The following SMAD3 variants were observed in gnomAD, a reference collection of about 807,000 sequenced individuals.
SMAD3 encodes the protein MAD homolog 3.
Under a neutral mutation model 51.8 loss-of-function variants are expected in SMAD3, and 12 were observed. That is an observed-to-expected ratio of 0.23 (90% CI 0.15 to 0.38). The LOEUF (loss-of-function observed/expected upper bound fraction) is 0.38, where lower values mean the gene tolerates loss of function less well. SMAD3 is among the 10% of genes least tolerant of loss of function. The pLI, the probability that SMAD3 is intolerant of heterozygous loss-of-function variation, is 1.00. For synonymous variants in SMAD3, 238 were observed against 227.7 expected (o/e 1.05, Z -0.41); for missense variants, 294 against 565.6 (o/e 0.52, Z 4.87).
chr15:67,131,131 T>C (rs973438947), intron 1 of SMAD3, among the ~76,000 whole-genome samples: 1 of 152,248 alleles, frequency 6.6e-6, no homozygotes, highest in Non-Finnish European at 1.5e-5. Flanking sequence ...TGGGCCAGAA[T>C]GATTTCGGCA....
chr15:67,182,986 T>TAAAAA (rs35277759), intron 6 of SMAD3, among the ~76,000 whole-genome samples: 2 of 48,042 alleles, frequency 4.2e-5, no homozygotes, highest in Non-Finnish European at 6.5e-5. Flanking sequence ...TATATTTTAT[T>TAAAAA]AAAAAAAAAA....
chr15:67,154,458 G>C (rs1334149236), intron 1 of SMAD3, among the ~76,000 whole-genome samples: 2 of 152,152 alleles, frequency 1.3e-5, no homozygotes, highest in African/African-American at 2.4e-5. Context: ...GAACACTCAG[G>C]AAACTCAGCT....
chr15:67,106,607 G>A (rs1303736972), intron 1 of SMAD3, among the ~76,000 whole-genome samples: 1 of 152,072 alleles, frequency 6.6e-6, no homozygotes, highest in Non-Finnish European at 1.5e-5. Flanking sequence ...CATTTCTTTT[G>A]TTCTCTGCTA....
chr15:67,162,115 G>T (rs576959898), intron 1 of SMAD3, among the ~76,000 whole-genome samples: 27 of 152,148 alleles, frequency 1.8e-4, no homozygotes, highest in Admixed American at 5.2e-4. Context: ...ACCTTTGTCT[G>T]TCCTTTCCCC....
At chr15:67,071,309 A>G (rs1960047797) in intron 1 of SMAD3, among the ~76,000 whole-genome samples, 2 of 152,224 alleles carry the variant, frequency 1.3e-5, no homozygotes. Flanking sequence ...ATCCTCTTTT[A>G]CTAAACTGAG....
intron 1 of SMAD3, among the ~76,000 whole-genome samples, chr15:67,087,449 G>A (rs1222742604): frequency 6.6e-6 from 1 of 152,206 alleles, no homozygotes; most frequent in East Asian, 1.9e-4. Context: ...CTAAGATACC[G>A]TGTAATAGGA....
At chr15:67,092,498 G>T (rs973059593) in intron 1 of SMAD3, among the ~76,000 whole-genome samples, 4 of 152,216 alleles carry the variant, frequency 2.6e-5, no homozygotes, top group Non-Finnish European at 5.9e-5. Context: ...CCGCCCCCAG[G>T]CCTCTTGGAT....
intron 1 of SMAD3, among the ~76,000 whole-genome samples, chr15:67,122,081 C>T (rs1286999750): frequency 6.6e-6 from 1 of 152,230 alleles, no homozygotes; most frequent in Non-Finnish European, 1.5e-5. Context: ...GTTTTCATCA[C>T]CACCAAAAAT....
Position 67,117,137 on chromosome 15 carries a change from C to T in SMAD3, c.207-47758C>T, listed in dbSNP as rs774349366. On this transcript the variant is annotated intron_variant, in intron 1 of 8. Coordinates refer to ENST00000327367, the MANE Select transcript of SMAD3 (RefSeq NM_005902.4). ...TGTGGCTCCTTGAGATCTGGGGTCA[C>T]GGCTGGCGTGTTTCGTGGAGTAGCT... 1.4e-4 allele frequency among the ~76,000 whole-genome samples: 22 copies of T among 152,244 alleles called. No homozygotes were observed. The South Asian group carries it at 1.4e-3, about 10-fold the overall frequency.
At chr15:67,138,340 C>A in intron 1 of SMAD3, 1 of 491,090 alleles carries the variant, frequency 2.0e-6, no homozygotes, top group Non-Finnish European at 3.7e-6. Flanking sequence ...CTCCCCTCCC[C>A]TGAACCCCCC....
chr15:67,133,449 TTC>T (rs1300521991), intron 1 of SMAD3, among the ~76,000 whole-genome samples: 1 of 152,184 alleles, frequency 6.6e-6, no homozygotes, highest in East Asian at 1.9e-4. Context: ...TGGGCTGCGT[TTC>T]TGTTTGCCTC....
At chr15:67,113,651 A>T (rs1800178446) in intron 1 of SMAD3, among the ~76,000 whole-genome samples, 1 of 152,222 alleles carries the variant, frequency 6.6e-6, no homozygotes, top group South Asian at 2.1e-4. Context: ...TGGAAATGTG[A>T]CTAATGACAA....
chr15:67,075,296 A>C (rs1498506), intron 1 of SMAD3, among the ~76,000 whole-genome samples: 70,254 of 151,994 alleles, frequency 0.46, 16,552 homozygotes, highest in South Asian at 0.66. Context: ...CCCTTATTGA[A>C]GTCAGACTCA....
chr15:67,104,253 T>G (rs1960827769), intron 1 of SMAD3, among the ~76,000 whole-genome samples: 1 of 152,204 alleles, frequency 6.6e-6, no homozygotes, highest in Non-Finnish European at 1.5e-5. Context: ...TACAAGGTGC[T>G]CACTGAGTGT....
At chr15:67,100,159 C>T (rs2140223299) in intron 1 of SMAD3, among the ~76,000 whole-genome samples, 1 of 116,714 alleles carries the variant, frequency 8.6e-6, no homozygotes, top group South Asian at 2.7e-4. Context: ...CCAGCCTGGG[C>T]AACAAGAGCG....
chr15:67,119,523 A>G (rs1211546611), intron 1 of SMAD3, among the ~76,000 whole-genome samples: 5 of 152,202 alleles, frequency 3.3e-5, no homozygotes, highest in African/African-American at 1.2e-4. Context: ...TGGGGAGCGC[A>G]TGGAGTGCTT....
chr15:67,144,300 G>A (rs1961915291), intron 1 of SMAD3, among the ~76,000 whole-genome samples: 1 of 151,914 alleles, frequency 6.6e-6, no homozygotes, highest in Non-Finnish European at 1.5e-5. Flanking sequence ...ATTATTTTCA[G>A]ATTCATCCAT....
intron 5 of SMAD3, among the ~76,000 whole-genome samples, chr15:67,170,936 A>G (rs1372200530): frequency 1.3e-5 from 2 of 152,252 alleles, no homozygotes; most frequent in Non-Finnish European, 2.9e-5. Context: ...AGTTTGGTGC[A>G]AAGCCACGGA....
intron 1 of SMAD3, among the ~76,000 whole-genome samples, chr15:67,096,256 A>C (rs1165508926): frequency 1.3e-5 from 2 of 152,208 alleles, no homozygotes; most frequent in African/African-American, 2.4e-5. Flanking sequence ...TTCCTTTCAG[A>C]TCTTCCTTAC....
Sources: gnomAD v4.1 joint callset for allele counts (sites outside exome capture counted in the v4.1 genomes callset) on GRCh38, gnomAD v4.1.1 for gene constraint, MANE v1.5 for transcripts, NCBI Gene and HGNC (gene_info 2026-07-23, HGNC 2026-07-21) for gene names.